The following PKD2 variants were observed in gnomAD, a reference collection of about 807,000 sequenced individuals.
PKD2 encodes the protein polycystin-2.
PKD2 carries 48 observed loss-of-function variants against 105.9 expected under a neutral mutation model. The ratio of observed to expected loss-of-function variants is 0.45; its 90% CI spans 0.36 to 0.58. PKD2 has a LOEUF of 0.58. Ranked by LOEUF, PKD2 falls within the 20% of genes least tolerant of loss-of-function variation. PKD2 has a pLI of 0.00. For synonymous variants in PKD2, 464 were observed against 481.1 expected, an observed-to-expected ratio of 0.96 and a Z score of 0.46; for missense variants, 1,078 against 1,255.3, an observed-to-expected ratio of 0.86 and a Z score of 2.13.
intron 1 of PKD2, among the ~76,000 whole-genome samples, chr4:88,018,689 G>T (rs538573818): frequency 4.9e-4 from 74 of 152,308 alleles, no homozygotes; most frequent in African/African-American, 1.4e-3. Flanking sequence ...GCTCATGGAG[G>T]GTTACGTCAT....
chr4:88,050,627 A>G (rs1720051650), intron 6 of PKD2, among the ~76,000 whole-genome samples: 1 of 152,202 alleles, frequency 6.6e-6, no homozygotes, highest in Non-Finnish European at 1.5e-5. Context: ...AATTATACCT[A>G]TTGAGAGTTG....
intron 2 of PKD2, among the ~76,000 whole-genome samples, chr4:88,029,392 C>A (rs562333585): frequency 6.6e-6 from 1 of 152,302 alleles, no homozygotes; most frequent in African/African-American, 2.4e-5. Flanking sequence ...AACCTAGTAC[C>A]AGCTTCTGCT....
chr4:88,011,883 A>G (rs115063362), intron 1 of PKD2, among the ~76,000 whole-genome samples: 885 of 57,148 alleles, frequency 0.015, 13 homozygotes, highest in African/African-American at 0.066. Context: ...CCTAAATTAC[A>G]GGTTTTCAAT....
intron 2 of PKD2, among the ~76,000 whole-genome samples, chr4:88,027,576 G>A (rs965419085): frequency 6.6e-6 from 1 of 152,218 alleles, no homozygotes; most frequent in South Asian, 2.1e-4. Context: ...AACGAATTAA[G>A]ACATTGGGGT....
chr4:88,013,009 A>G (rs1726439620), intron 1 of PKD2, among the ~76,000 whole-genome samples: 1 of 152,134 alleles, frequency 6.6e-6, no homozygotes, highest in Non-Finnish European at 1.5e-5. Context: ...CACACACACC[A>G]AATTTTGTTT....
In PKD2 at chr4:88,061,919, C is replaced by T. The variant is rs763671263; in HGVS notation, c.2033C>T (p.Ala678Val). ...ATTTACAAACAGAATATGTTTTTGG[C>T]TATCATCAATGATACTTACTCTGAA... Reference protein sequence around the residue: ...MFFILLNMFLAIINDTYSEVK... With the variant: ...MFFILLNMFLVIINDTYSEVK... The change falls in exon 10 of 15, where the codon GCT becomes GTT. Residue 678 changes from alanine to valine, a missense_variant. Around this residue, in one of 2 missense-constraint regions of PKD2, gnomAD observed 868 missense variants for 1,067.3 expected, o/e 0.81. Coordinates refer to ENST00000237596, the MANE Select transcript of PKD2 (RefSeq NM_000297.4). 6 of 1,523,850 alleles carry T rather than the reference C, an allele frequency of 3.9e-6. No individual in the cohort carries two copies. Among genetic ancestry groups the T allele is most frequent in the Non-Finnish European group, 4.6e-6 (5 of 1,098,080 alleles). 94.4% of individuals were successfully genotyped at this position (1,523,850 alleles called of 1,614,324 possible). A position where few individuals can be genotyped will look rare whatever the true frequency, so the allele number is the denominator to read the frequency against.
intron 1 of PKD2, among the ~76,000 whole-genome samples, chr4:88,018,121 A>C (rs1244576706): frequency 6.6e-6 from 1 of 152,204 alleles, no homozygotes; most frequent in African/African-American, 2.4e-5. Context: ...ATTCCCTGAC[A>C]ACTACCAGAT....
chr4:88,056,069 T>G lies in PKD2; in HGVS notation c.1717-17T>G. 6.5e-7 allele frequency: 1 copy of G among 1,545,712 alleles called. No individual in the cohort carries two copies. ...TTGTTTATCCATTCATCTATTGATG[T>G]CTTCTCTCTCTTACAGCTCTTCAAA... On this transcript the variant is annotated splice_polypyrimidine_tract_variant and intron_variant, in intron 7 of 14. Transcript: ENST00000237596.
rs1422574409 is a variant in PKD2 at position 88,068,031 on chromosome 4, C to G, written c.2492C>G (p.Ser831Cys). ...GHSSRRRGSI[S>C]SGVSYEEFQV... ...AGCTCCAGAAGGAGGGGAAGCATTT[C>G]TAGTGGCGTTTCTTACGAAGAGTTT... is the stretch of plus-strand genomic sequence containing the variant. The change falls in exon 13 of 15, where the codon TCT becomes TGT. Residue 831 changes from serine to cysteine, a missense_variant. This residue lies in a region of PKD2 where 868 missense variants were observed against 1,067.3 expected (regional missense o/e 0.81). Coordinates refer to ENST00000237596, the MANE Select transcript of PKD2 (RefSeq NM_000297.4). 3 of 1,614,090 alleles carry G rather than the reference C, an allele frequency of 1.9e-6. No individual in the cohort carries two copies. The South Asian group carries it at 3.3e-5, about 18-fold the overall frequency.
rs141787701 is a variant in PKD2, at chr4:88,050,295, G to A, written c.1549-1696G>A. ...GGCCCGACTAATTCATTTATTCAGC[G>A]AGTGTTTTCTGAGCACCTACTATGT... On this transcript the variant is annotated intron_variant, in intron 6 of 14. Coordinates refer to ENST00000237596, the MANE Select transcript of PKD2 (RefSeq NM_000297.4). Among the ~76,000 whole-genome samples the A allele has an allele frequency of 3.3e-3, 506 of 152,160 alleles. 3 individuals are homozygous for A. In the Middle Eastern group the frequency reaches 0.044, roughly 13 times the overall value.
In PKD2 at chr4:88,075,450, C is replaced by A; in HGVS notation, c.2671-8C>A. 6.2e-7 allele frequency: 1 copy of A among 1,609,466 alleles called. No homozygotes were observed. The highest frequency in any genetic ancestry group is 8.5e-7 in the Non-Finnish European group (1 of 1,175,844). On this transcript the variant is annotated splice_polypyrimidine_tract_variant and splice_region_variant and intron_variant, in intron 14 of 14. Transcript: ENST00000237596. ...GCCCCCAACACCAGTTTCTTTTTCC[C>A]TTTTTAGGATGAAAGGCTGGGTCGT...
At chr4:88,041,172 G>T (rs528930373) in intron 4 of PKD2, among the ~76,000 whole-genome samples, 1 of 152,140 alleles carries the variant, frequency 6.6e-6, no homozygotes, top group African/African-American at 2.4e-5. Flanking sequence ...TCTTCCTATT[G>T]CCCTGAAAGA....
At position 88,030,472 on chromosome 4, in the gene PKD2, G is replaced by C. The variant is rs888286172; in HGVS notation, c.710-5748G>C. Reference sequence around the variant, plus strand: ...AAACTTTAAAATCTTTAGATAATAGGCTGGCATTTTACTTAAACGATCTTT... The same window carrying C: ...AAACTTTAAAATCTTTAGATAATAGCCTGGCATTTTACTTAAACGATCTTT... On this transcript the variant is annotated intron_variant, in intron 2 of 14. Transcript: ENST00000237596. Among the ~76,000 whole-genome samples, 16 of 152,244 alleles carry C rather than the reference G, an allele frequency of 1.1e-4. No homozygotes were observed. The South Asian group carries it at 3.3e-3, about 32-fold the overall frequency.
intron 11 of PKD2, 66 bp downstream of exon 11, chr4:88,065,561 G>A: frequency 2.6e-6 from 4 of 1,531,622 alleles, no homozygotes; most frequent in Non-Finnish European, 3.6e-6. Flanking sequence ...CTGGTGATAA[G>A]AGTATTTCTA....
At chr4:88,069,349 CT>C (rs1454383455) in intron 13 of PKD2, among the ~76,000 whole-genome samples, 3 of 151,586 alleles carry the variant, frequency 2.0e-5, no homozygotes, top group Non-Finnish European at 2.9e-5. Context: ...TTCTAGCTTA[CT>C]TTTTTTTGTT....
rs1348943987 is a variant in PKD2 at position 88,064,645 on chromosome 4, C to G, written c.2119-729C>G. ...CAGTGGCTCACCCCTGTAATCCTAG[C>G]ACTTTGGAAGGCGAGGCAGGCAGAT... On this transcript the variant is annotated intron_variant, in intron 10 of 14. Coordinates refer to ENST00000237596, the MANE Select transcript of PKD2 (RefSeq NM_000297.4). 2.0e-5 allele frequency among the ~76,000 whole-genome samples: 3 copies of G among 152,026 alleles called. No homozygotes were observed. The South Asian group carries it at 6.2e-4, about 32-fold the overall frequency.
intron 2 of PKD2, among the ~76,000 whole-genome samples, chr4:88,024,802 A>T (rs1726895225): frequency 6.6e-6 from 1 of 152,216 alleles, no homozygotes. Flanking sequence ...CTCAAAAATC[A>T]CTGAGAAAAG....
At chr4:88,050,030 A>G (rs1218776771) in intron 6 of PKD2, among the ~76,000 whole-genome samples, 4 of 139,846 alleles carry the variant, frequency 2.9e-5, no homozygotes, top group Non-Finnish European at 6.0e-5. Context: ...ACTGGAGTAC[A>G]GTGGCACCAT....
chr4:88,044,126 T>G (rs769961384), intron 5 of PKD2, among the ~76,000 whole-genome samples: 1 of 152,138 alleles, frequency 6.6e-6, no homozygotes, highest in Non-Finnish European at 1.5e-5. Flanking sequence ...TTGGGACATG[T>G]CAGCAAACAA....
Sources: gnomAD v4.1 joint callset for allele counts (sites outside exome capture counted in the v4.1 genomes callset) on GRCh38, gnomAD v4.1.1 for gene constraint, gnomAD v4.1.1 regional missense constraint, MANE v1.5 for transcripts, NCBI Gene and HGNC (gene_info 2026-07-23, HGNC 2026-07-21) for gene names.